CFAP74: variants seen among roughly 807,000 people sequenced by gnomAD.
The protein encoded by CFAP74 is cilia- and flagella-associated protein 74.
CFAP74 carries 124 observed loss-of-function variants against 188.9 expected under a neutral mutation model. The ratio of observed to expected loss-of-function variants is 0.66; its 90% confidence interval spans 0.57 to 0.76. CFAP74 has a LOEUF of 0.76. Ranked by LOEUF, CFAP74 falls within the 30% of genes least tolerant of loss-of-function variation. The pLI is 0.00. For missense variants in CFAP74, 2,198 were observed against 2,165.2 expected (o/e 1.02, Z -0.30); for synonymous variants, 956 against 916.7 (o/e 1.04, Z -0.77).
Position 1,974,096 on chromosome 1 carries a change from G to A in CFAP74, c.603C>T (p.Arg201=), listed in dbSNP as rs969683540. The A allele has an allele frequency of 5.6e-6, 9 of 1,612,350 alleles. No individual in the cohort carries two copies. Among genetic ancestry groups the A allele is most frequent in the East Asian group, 2.2e-5 (1 of 44,788 alleles). Residue 201 remains arginine, a synonymous_variant, in exon 7 of 39, where the codon CGC becomes CGT. Transcript: ENST00000682832. ...GCTCTCTGCAGAGCTGCTCGGCTGC[G>A]CGCACCTGGAGCCGCCGCCCCGTGG... is the stretch of plus-strand genomic sequence containing the variant. ...VEATGRRLQV[R]AAEQLCREQE... is the part of the protein sequence containing the mutation.
Position 1,985,481 on chromosome 1 carries a change from C to T in CFAP74, c.405G>A (p.Val135=). The stretch of plus-strand genomic sequence containing the variant: ...GTCTGGACACGGCCTGGAGGCGGCC[C>T]ACAGCGGCCCTGCAGTGGTGAACGG... ...TEEEAGNMAA[V]GRLQAVSRRL... is the part of the protein sequence containing the mutation. The change falls in exon 6 of 39, where the codon GTG becomes GTA. Residue 135 remains valine, a synonymous_variant. Coordinates refer to ENST00000682832, the MANE Select transcript of CFAP74 (RefSeq NM_001304360.2). The T allele has an allele frequency of 1.2e-6, 2 of 1,613,702 alleles. No individual in the cohort carries two copies. The highest frequency in any genetic ancestry group is 4.5e-5 in the East Asian group (2 of 44,876).
At chr1:1,989,000 A>C in intron 2 of CFAP74, 27 bp from the exon 3 acceptor site, 1 of 1,172,242 alleles carries the variant, frequency 8.5e-7, no homozygotes, top group Non-Finnish European at 1.2e-6. Flanking sequence ...GAGTTTAAAA[A>C]AAAAAAAAAG....
Position 1,991,844 on chromosome 1 carries a change from C to A in CFAP74, c.-19-869G>T, listed in dbSNP as rs549922323. 4.6e-5 allele frequency among the ~76,000 whole-genome samples: 7 copies of A among 151,986 alleles called. No homozygotes were observed. In the South Asian group the frequency reaches 8.3e-4, roughly 18 times the overall value. ...CACGAGGTCAGGAGATCGAGACTAT[C>A]CTGGCTAGCACAGTGAAACCCCATC... On this transcript the variant is annotated intron_variant, in intron 1 of 38. Coordinates refer to ENST00000682832, the MANE Select transcript of CFAP74 (RefSeq NM_001304360.2).
intron 16 of CFAP74, among the ~76,000 whole-genome samples, chr1:1,958,523 T>TA (rs1209686195): frequency 2.0e-5 from 3 of 152,212 alleles, no homozygotes. Flanking sequence ...GCTGACCAAT[T>TA]ACTCGGCGGG....
At chr1:1,946,493 C>G in intron 19 of CFAP74, 54 bp from the exon 20 acceptor site, 1 of 1,473,220 alleles carries the variant, frequency 6.8e-7, no homozygotes, top group Non-Finnish European at 9.0e-7. Context: ...TTTTAAGATC[C>G]CTTCCCAACC....
At chr1:2,001,074 G>C (rs1209134649) in intron 1 of CFAP74, among the ~76,000 whole-genome samples, 1 of 152,104 alleles carries the variant, frequency 6.6e-6, no homozygotes, top group Non-Finnish European at 1.5e-5. Context: ...CTGAGGCTCA[G>C]AGCTGTTTGC....
Position 1,930,257 on chromosome 1 carries a change from T to A in CFAP74, c.3091A>T (p.Thr1031Ser). ...GCCACGGAGGTGTCGTATAGGGCCG[T>A]GGCGGCAAACTTGATCTGGTAGTGG... The part of the protein sequence containing the change: ...LSHYQIKFAA[T>S]ALYDTSVATV... The change falls in exon 26 of 39, where the codon ACG becomes TCG. Residue 1031 changes from threonine to serine, a missense_variant. Thr to Ser is a moderately conservative substitution (Grantham distance 58, BLOSUM62 1). Transcript: ENST00000682832. 2 of 1,535,592 alleles carry A rather than the reference T, an allele frequency of 1.3e-6. No individual in the cohort carries two copies. The highest frequency in any genetic ancestry group is 1.7e-6 in the Non-Finnish European group (2 of 1,146,650).
intron 1 of CFAP74, among the ~76,000 whole-genome samples, chr1:1,996,143 C>T (rs2102117868): frequency 6.6e-6 from 1 of 152,094 alleles, no homozygotes; most frequent in Middle Eastern, 3.4e-3. Context: ...GGCCACCACG[C>T]CTGGCTAATT....
intron 6 of CFAP74, chr1:1,984,386 C>G (rs1261643309): frequency 6.6e-6 from 1 of 152,002 alleles, no homozygotes; most frequent in African/African-American, 2.4e-5. Flanking sequence ...CCCTGTGAAG[C>G]CCCTCACCCT....
intron 16 of CFAP74, among the ~76,000 whole-genome samples, chr1:1,958,467 C>T (rs932884225): frequency 3.3e-5 from 5 of 152,234 alleles, no homozygotes; most frequent in African/African-American, 9.6e-5. Flanking sequence ...GCTTCACACT[C>T]GCGGCTGAGC....
intron 1 of CFAP74, among the ~76,000 whole-genome samples, chr1:1,994,737 T>C (rs1291952644): frequency 6.6e-6 from 1 of 152,214 alleles, no homozygotes; most frequent in Non-Finnish European, 1.5e-5. Flanking sequence ...CCTCTGAAGA[T>C]GATCACACTA....
chr1:1,999,906 C>T lies in CFAP74; in HGVS notation c.-20+3795G>A, dbSNP rs573170394. The stretch of plus-strand genomic sequence containing the variant: ...ACAGGCCGGGCGCGGTGGCTCACGC[C>T]TGTAATCCCAGCACTTTGGGAGGCT... On this transcript the variant is annotated intron_variant, in intron 1 of 38. Transcript: ENST00000682832. Among the ~76,000 whole-genome samples, 19 of 152,218 alleles carry T rather than the reference C, an allele frequency of 1.2e-4. No homozygotes were observed. The South Asian group carries it at 3.9e-3, about 32-fold the overall frequency.
At chr1:1,960,132 C>T (rs1467199231) in intron 14 of CFAP74, 102 bp from the exon 15 acceptor site, 1 of 1,002,606 alleles carries the variant, frequency 1.0e-6, no homozygotes, top group South Asian at 1.5e-5. Flanking sequence ...TGGCCTCCTC[C>T]CCATCCCGGG....
At chr1:1,993,925 T>C (rs1047719785) in intron 1 of CFAP74, among the ~76,000 whole-genome samples, 4 of 149,698 alleles carry the variant, frequency 2.7e-5, no homozygotes, top group Non-Finnish European at 5.9e-5. Flanking sequence ...GAGCTTGCAG[T>C]GAGCCGAGAT....
intron 1 of CFAP74, among the ~76,000 whole-genome samples, chr1:2,002,950 TATAAAGTTTAA>T (rs1182129177): frequency 1.3e-5 from 2 of 151,674 alleles, no homozygotes; most frequent in African/African-American, 2.4e-5. Context: ...ATAAAGTTTA[TATAAAGTTTAA>T]AATAAGTGAA....
rs984950822 is a variant in CFAP74 at position 1,940,338 on chromosome 1, A to G, written c.2681T>C (p.Met894Thr). The part of the protein sequence containing the change: ...DKETRVLEAP[M>T]TIWVADQNKP... ...GACCTGGTCGGCAACCCATATGGTCATCGGGGCCTCCAGGACTCGGGTCTC... is the reference window on the plus strand; with the variant it reads ...GACCTGGTCGGCAACCCATATGGTCGTCGGGGCCTCCAGGACTCGGGTCTC... Residue 894 changes from methionine (M) to threonine (T), a missense_variant, in exon 23 of 39, where the codon ATG (methionine) becomes ACG (threonine). Physicochemically the swap from Met to Thr is moderately conservative, Grantham distance 81. Transcript: ENST00000682832. 1.3e-6 allele frequency: 2 copies of G among 1,535,746 alleles called. No individual in the cohort carries two copies. Among genetic ancestry groups the G allele is most frequent in the African/African-American group, 2.7e-5 (2 of 73,054 alleles).
In CFAP74 at chr1:1,922,694, T is replaced by A. The variant is rs148954072; in HGVS notation, c.4713A>T (p.Ala1571=). 2.9e-5 allele frequency: 46 copies of A among 1,599,884 alleles called. 1 individual carries two copies. Among genetic ancestry groups the A allele is most frequent in the Admixed American group, 6.7e-5 (4 of 59,556 alleles). The change falls in exon 38 of 39, where the codon GCA becomes GCT. Residue 1571 remains alanine, a synonymous_variant. Coordinates refer to ENST00000682832, the MANE Select transcript of CFAP74 (RefSeq NM_001304360.2). The stretch of plus-strand genomic sequence containing the variant: ...TAGAGAAACCCTTGTGCTGCAGGGA[T>A]GCGACGCTGTCTATGCTGAACTCAA... ...KTVEFSIDSV[A]SLQHKGFSIE...
chr1:1,955,724 G>C lies in CFAP74; in HGVS notation c.2143C>G (p.Leu715Val), dbSNP rs1189771161. 1 of 1,614,090 alleles carries C rather than the reference G, an allele frequency of 6.2e-7. No individual in the cohort carries two copies. Among genetic ancestry groups the C allele is most frequent in the East Asian group, 2.2e-5 (1 of 44,864 alleles). ...DMQSRKELEK[L>V]DKEQEEEQPA... ...TGCTCCTCCTCCTGCTCCTTGTCCA[G>C]CTTCTCCAGCTCCTTCCGGCTCTGC... The change falls in exon 18 of 39, where the codon CTG becomes GTG. Residue 715 changes from leucine (L) to valine (V), a missense_variant. Coordinates refer to ENST00000682832, the MANE Select transcript of CFAP74 (RefSeq NM_001304360.2).
At chr1:1,946,819 C>G (rs1408735531) in intron 19 of CFAP74, among the ~76,000 whole-genome samples, 171 bp downstream of exon 19, 2 of 152,216 alleles carry the variant, frequency 1.3e-5, no homozygotes, top group Admixed American at 1.3e-4. Context: ...GCTGAGATTA[C>G]AAGAGGCCTG....
Sources: gnomAD v4.1 joint callset for allele counts (sites outside exome capture counted in the v4.1 genomes callset) on GRCh38, gnomAD v4.1.1 for gene constraint, MANE v1.5 for transcripts, NCBI Gene and HGNC (gene_info 2026-07-23, HGNC 2026-07-21) for gene names.